NIM1K: variants seen among roughly 807,000 people sequenced by gnomAD.
The protein encoded by NIM1K is serine/threonine-protein kinase NIM1.
A neutral mutation model predicts 37.1 loss-of-function variants in NIM1K; 35 were observed. The observed-to-expected ratio is 0.94, with a 90% CI of 0.72 to 1.25. The LOEUF (loss-of-function observed/expected upper bound fraction) is 1.25. Ranked by LOEUF, NIM1K falls within the 50% of genes most tolerant of loss-of-function variation. The probability of loss-of-function intolerance (pLI) is 0.00; values close to 1 mark genes in which losing one functional copy is unlikely to be tolerated. For synonymous variants in NIM1K, 234 were observed against 206.6 expected (o/e 1.13, Z -1.14); for missense variants, 564 against 548.0 (o/e 1.03, Z -0.29).
chr5:43,245,723 C>T lies in NIM1K; in HGVS notation c.-53C>T. Reference sequence around the variant, plus strand: ...TCTCCCACCCTCTGAGCCTCTTCTGCTCCTGCACAACCTGCCTCTTCGCTG... The same window carrying T: ...TCTCCCACCCTCTGAGCCTCTTCTGTTCCTGCACAACCTGCCTCTTCGCTG... On this transcript the variant is annotated 5_prime_UTR_variant, in exon 2 of 4. Transcript: ENST00000326035. The T allele has an allele frequency of 1.3e-6, 2 of 1,519,114 alleles. No individual in the cohort carries two copies. Among genetic ancestry groups the T allele is most frequent in the Non-Finnish European group, 1.8e-6 (2 of 1,126,854 alleles). The allele number at this position is 1,519,114 out of a possible 1,614,324, so 94.1% of individuals were successfully genotyped here.
At chr5:43,207,036 A>G (rs1161820524) in intron 1 of NIM1K, 14 of 735,634 alleles carry the variant, frequency 1.9e-5, no homozygotes, top group Non-Finnish European at 3.3e-5. Context: ...CCTAAGTTCG[A>G]GGAGGAGCCA....
intron 2 of NIM1K, among the ~76,000 whole-genome samples, chr5:43,260,983 G>A (rs1753019718): frequency 1.3e-5 from 2 of 152,112 alleles, no homozygotes; most frequent in Admixed American, 1.3e-4. Context: ...GTGTATATAT[G>A]CCACATTTTC....
chr5:43,271,091 C>CT (rs56135531), intron 2 of NIM1K, among the ~76,000 whole-genome samples: 60 of 145,282 alleles, frequency 4.1e-4, no homozygotes, highest in African/African-American at 7.6e-4. Context: ...CCAGCAGCTT[C>CT]TTTTTTTTTT....
intron 1 of NIM1K, among the ~76,000 whole-genome samples, chr5:43,210,993 A>C (rs1401045837): frequency 2.6e-5 from 4 of 151,980 alleles, no homozygotes; most frequent in African/African-American, 9.7e-5. Context: ...TAACATGGTG[A>C]AACCCCCATC....
At chr5:43,232,477 A>T in intron 1 of NIM1K, 3 of 1,501,682 alleles carry the variant, frequency 2.0e-6, no homozygotes, top group Non-Finnish European at 2.8e-6. Context: ...ACACAATTTG[A>T]CCTATCAACC....
intron 2 of NIM1K, among the ~76,000 whole-genome samples, chr5:43,261,618 A>T (rs921896019): frequency 6.6e-6 from 1 of 151,582 alleles, no homozygotes; most frequent in Non-Finnish European, 1.5e-5. Flanking sequence ...ATTTAATTAG[A>T]TCCCATTTGT....
intron 1 of NIM1K, among the ~76,000 whole-genome samples, chr5:43,204,695 G>A (rs1313809010): frequency 8.3e-6 from 1 of 121,032 alleles, no homozygotes; most frequent in Non-Finnish European, 1.7e-5. Context: ...ACAGAAAGAG[G>A]CTCTGTCTCA....
At chr5:43,258,905 T>A (rs1487441126) in intron 2 of NIM1K, among the ~76,000 whole-genome samples, 1 of 152,108 alleles carries the variant, frequency 6.6e-6, no homozygotes, top group Non-Finnish European at 1.5e-5. Flanking sequence ...AATACGTAGT[T>A]TTTAATCCCT....
intron 2 of NIM1K, among the ~76,000 whole-genome samples, chr5:43,256,097 AG>A (rs1336088708): frequency 6.6e-6 from 1 of 152,150 alleles, no homozygotes; most frequent in African/African-American, 2.4e-5. Context: ...GATTTCACAA[AG>A]GGAACCAGGG....
chr5:43,245,883 G>C lies in NIM1K; in HGVS notation c.108G>C (p.Glu36Asp), dbSNP rs1324946303. The change falls in exon 2 of 4, where the codon GAG becomes GAC. Residue 36 changes from glutamate (E) to aspartate (D), a missense_variant. By Grantham distance (45) the Glu-to-Asp change is conservative. Coordinates refer to ENST00000326035, the MANE Select transcript of NIM1K (RefSeq NM_153361.4). Reference sequence around the variant, plus strand: ...GCTGTCAGACCGAGAGTAGCAAGGAGGGTGAGGAGGGACAGCCCCGCCAGC... The same window carrying C: ...GCTGTCAGACCGAGAGTAGCAAGGACGGTGAGGAGGGACAGCCCCGCCAGC... Reference protein sequence around the residue: ...ESGCQTESSKEGEEGQPRQLT... With the variant: ...ESGCQTESSKDGEEGQPRQLT... 1 of 1,614,154 alleles carries C rather than the reference G, an allele frequency of 6.2e-7. No homozygotes were observed. The highest frequency in any genetic ancestry group is 1.1e-5 in the South Asian group (1 of 91,084).
At chr5:43,246,103 T>C (rs761362937) in intron 2 of NIM1K, 36 bp downstream of exon 2, 2 of 1,561,280 alleles carry the variant, frequency 1.3e-6, no homozygotes, top group Non-Finnish European at 1.7e-6. Context: ...TCCCTGGCAG[T>C]ATTGGGACCT....
At chr5:43,222,270 G>A (rs1752391248) in intron 1 of NIM1K, among the ~76,000 whole-genome samples, 1 of 152,222 alleles carries the variant, frequency 6.6e-6, no homozygotes, top group Admixed American at 6.5e-5. Flanking sequence ...GGACAGAGCA[G>A]AGGAAAGACA....
intron 1 of NIM1K, among the ~76,000 whole-genome samples, chr5:43,201,149 C>T (rs78357615): frequency 0.059 from 8,878 of 150,262 alleles, 356 homozygotes; most frequent in East Asian, 0.2. Context: ...AAAATTCATG[C>T]CTGTAATCCC....
intron 2 of NIM1K, among the ~76,000 whole-genome samples, chr5:43,264,488 A>C (rs557345623): frequency 6.6e-6 from 1 of 152,088 alleles, no homozygotes; most frequent in African/African-American, 2.4e-5. Flanking sequence ...ATCTTCCTCC[A>C]TGCCTTTATT....
intron 1 of NIM1K, among the ~76,000 whole-genome samples, chr5:43,236,940 CAT>C (rs966776095): frequency 2.0e-5 from 3 of 152,200 alleles, no homozygotes; most frequent in African/African-American, 4.8e-5. Context: ...GGGATCTTGA[CAT>C]GTGTGCTGAG....
chr5:43,233,350 A>G lies in NIM1K; in HGVS notation c.-694-11732A>G, dbSNP rs534996594. 2.4e-3 allele frequency among the ~76,000 whole-genome samples: 358 copies of G among 152,230 alleles called. 2 individuals carry two copies. The highest frequency in any genetic ancestry group is 2.1e-3 in the Non-Finnish European group (140 of 68,022). ...AAACTTAACCTTCCTCTTGTCCCTA[A>G]CAACTGCCACCTCTCACTTACCTCC... On this transcript the variant is annotated intron_variant, in intron 1 of 3. Coordinates refer to ENST00000326035, the MANE Select transcript of NIM1K (RefSeq NM_153361.4).
At chr5:43,207,106 G>A in intron 1 of NIM1K, 1 of 719,760 alleles carries the variant, frequency 1.4e-6, no homozygotes, top group Non-Finnish European at 2.6e-6. Flanking sequence ...AGATTGAGGT[G>A]GTGTATGATG....
chr5:43,195,586 G>A (rs1266464176), intron 1 of NIM1K, among the ~76,000 whole-genome samples: 1 of 151,512 alleles, frequency 6.6e-6, no homozygotes, highest in Non-Finnish European at 1.5e-5. Flanking sequence ...CTTGAGCCTG[G>A]GAGGTTCAAG....
At chr5:43,221,398 C>A (rs1388977843) in intron 1 of NIM1K, among the ~76,000 whole-genome samples, 2 of 145,432 alleles carry the variant, frequency 1.4e-5, no homozygotes, top group African/African-American at 2.6e-5. Context: ...TTGCAGTAAG[C>A]CAAGACTGCG....
Sources: allele counts gnomAD v4.1 joint callset (sites outside exome capture counted in the v4.1 genomes callset), GRCh38; gene constraint gnomAD v4.1.1; transcripts MANE v1.5; gene names NCBI Gene and HGNC (gene_info 2026-07-23, HGNC 2026-07-21).